The following CENPW variants were observed in gnomAD, a reference collection of about 807,000 sequenced individuals.
The protein encoded by CENPW is centromere protein W.
In CENPW, 3 loss-of-function variants were observed where a neutral mutation model predicts 11.1. The observed-to-expected ratio is 0.27, with a 90% CI of 0.12 to 0.70. CENPW has a LOEUF of 0.70. Among genes scored for constraint, CENPW ranks in the 30% least tolerant of loss-of-function variants. The probability of loss-of-function intolerance (pLI) is 0.77; values close to 1 mark genes in which losing one functional copy is unlikely to be tolerated. For synonymous variants in CENPW, 38 were observed against 42.0 expected (o/e 0.91, Z 0.37); for missense variants, 100 against 105.6 (o/e 0.95, Z 0.23).
the CENPW span, among the ~76,000 whole-genome samples, chr6:126,413,613 T>A: frequency 6.6e-6 from 1 of 151,912 alleles, no homozygotes; most frequent in East Asian, 1.9e-4. Flanking sequence ...ATAAAAAATA[T>A]GATAATTACT....
the CENPW span, among the ~76,000 whole-genome samples, chr6:126,405,804 G>T: frequency 7.0e-4 from 106 of 151,942 alleles, no homozygotes; most frequent in African/African-American, 2.4e-3. Flanking sequence ...TTCATTATTT[G>T]TGTATAGAAA....
At chr6:126,413,131 T>C in the CENPW span, among the ~76,000 whole-genome samples, 1 of 152,052 alleles carries the variant, frequency 6.6e-6, no homozygotes, top group Non-Finnish European at 1.5e-5. Context: ...CTGGAATACC[T>C]TTAAAAATAA....
At chr6:126,384,163 A>G in the CENPW span, among the ~76,000 whole-genome samples, 1 of 152,170 alleles carries the variant, frequency 6.6e-6, no homozygotes, top group Non-Finnish European at 1.5e-5. Flanking sequence ...CAAGTTAATA[A>G]TGAAATTAAG....
the CENPW span, among the ~76,000 whole-genome samples, chr6:126,424,803 G>A: frequency 2.0e-5 from 3 of 151,982 alleles, no homozygotes; most frequent in Non-Finnish European, 4.4e-5. Context: ...ACTAAGAGAA[G>A]AATCATTATC....
chr6:126,394,666 T>A, the CENPW span, among the ~76,000 whole-genome samples: 1 of 152,108 alleles, frequency 6.6e-6, no homozygotes, highest in Non-Finnish European at 1.5e-5. Flanking sequence ...TTTATTAACA[T>A]CCTTTTCCTT....
At position 126,348,076 on chromosome 6, in the gene CENPW, C is replaced by G. The variant is rs191738971; in HGVS notation, c.241-390C>G. Among the ~76,000 whole-genome samples, 84 of 151,932 alleles carry G rather than the reference C, an allele frequency of 5.5e-4. 1 individual carries two copies. The East Asian group carries it at 0.011, about 20-fold the overall frequency. On this transcript the variant is annotated intron_variant, in intron 2 of 2. Coordinates refer to ENST00000368328, the MANE Select transcript of CENPW (RefSeq NM_001012507.4). ...AGACTTTTTGAGTCTAATATAGACT[C>G]AAGAATATTGTTTAACTCTTTAATT...
At chr6:126,453,378 A>G in the CENPW span, among the ~76,000 whole-genome samples, 1 of 151,234 alleles carries the variant, frequency 6.6e-6, no homozygotes, top group Non-Finnish European at 1.5e-5. Context: ...CAGAAATCCT[A>G]TAAGTCACAG....
chr6:126,380,481 C>T, the CENPW span, among the ~76,000 whole-genome samples: 1 of 152,124 alleles, frequency 6.6e-6, no homozygotes, highest in Admixed American at 6.5e-5. Context: ...TTGTTCATGG[C>T]AGAGGGTTTC....
the CENPW span, among the ~76,000 whole-genome samples, chr6:126,439,849 G>A: frequency 1.3e-5 from 2 of 151,454 alleles, no homozygotes; most frequent in South Asian, 2.1e-4. Flanking sequence ...ATGACTTTCT[G>A]TATCATATTT....
chr6:126,407,579 C>A, the CENPW span, among the ~76,000 whole-genome samples: 1 of 152,180 alleles, frequency 6.6e-6, no homozygotes, highest in African/African-American at 2.4e-5. Context: ...TTTTTCTCCG[C>A]AACCTTGCCA....
the CENPW span, among the ~76,000 whole-genome samples, chr6:126,464,313 G>T: frequency 1.5e-4 from 23 of 152,224 alleles, no homozygotes; most frequent in Admixed American, 4.6e-4. Flanking sequence ...GAATAGAGAT[G>T]AATTTTATCA....
the CENPW span, among the ~76,000 whole-genome samples, chr6:126,418,348 C>T: frequency 6.6e-6 from 1 of 152,146 alleles, no homozygotes; most frequent in Non-Finnish European, 1.5e-5. Flanking sequence ...CTTAATAGTC[C>T]ATTAATCAGC....
the CENPW span, among the ~76,000 whole-genome samples, chr6:126,387,012 CTGAG>C: frequency 4.6e-5 from 7 of 151,786 alleles, no homozygotes; most frequent in South Asian, 2.1e-4. Flanking sequence ...TTTTAAATGA[CTGAG>C]TGATTTATTT....
chr6:126,356,709 A>G, the CENPW span, among the ~76,000 whole-genome samples: 2 of 152,034 alleles, frequency 1.3e-5, no homozygotes, highest in Non-Finnish European at 1.5e-5. Flanking sequence ...ACCTTTTCAT[A>G]TGTTCATTGG....
At chr6:126,469,811 G>A in the CENPW span, among the ~76,000 whole-genome samples, 2 of 152,206 alleles carry the variant, frequency 1.3e-5, no homozygotes, top group Non-Finnish European at 1.5e-5. Context: ...CTAGAGATCT[G>A]TGTAACTTTG....
chr6:126,462,358 T>G, the CENPW span, among the ~76,000 whole-genome samples: 2 of 151,942 alleles, frequency 1.3e-5, no homozygotes, highest in African/African-American at 4.8e-5. Flanking sequence ...TTAGCTTTTC[T>G]CAAGATACAG....
chr6:126,362,506 A>G, the CENPW span, among the ~76,000 whole-genome samples: 10 of 149,566 alleles, frequency 6.7e-5, no homozygotes, highest in African/African-American at 2.5e-4. Context: ...CTCTTCATCC[A>G]CCCTCAGTGT....
At chr6:126,393,048 C>T in the CENPW span, among the ~76,000 whole-genome samples, 7 of 151,778 alleles carry the variant, frequency 4.6e-5, no homozygotes, top group Non-Finnish European at 5.9e-5. Context: ...GGAATGTGTC[C>T]GTTTCTTTTA....
the CENPW span, among the ~76,000 whole-genome samples, chr6:126,385,390 A>G: frequency 1.7e-3 from 258 of 152,310 alleles, 1 homozygote; most frequent in South Asian, 1.2e-3. Context: ...GATAAAGAAA[A>G]TGTGGTGCAT....
Sources: allele counts gnomAD v4.1 joint callset (sites outside exome capture counted in the v4.1 genomes callset), GRCh38; gene constraint gnomAD v4.1.1; transcripts MANE v1.5; gene names NCBI Gene and HGNC (gene_info 2026-07-23, HGNC 2026-07-21).